Variants in CD37 observed in about 807,000 individuals in gnomAD.
CD37 encodes leukocyte antigen CD37.
In CD37, 37 loss-of-function variants were observed where a neutral mutation model predicts 38.9. The observed-to-expected ratio is 0.95, with a 90% CI of 0.73 to 1.25. The LOEUF is 1.25. CD37 is among the 50% of genes most tolerant of loss of function. The probability of loss-of-function intolerance (pLI) is 0.00; values close to 1 mark genes in which losing one functional copy is unlikely to be tolerated. For missense variants in CD37, 351 were observed against 360.1 expected (o/e 0.97, Z 0.20); for synonymous variants, 146 against 150.1 (o/e 0.97, Z 0.20).
At position 49,337,637 on chromosome 19, in the gene CD37, G is replaced by A. The variant is rs569030696; in HGVS notation, c.343-288G>A. On this transcript the variant is annotated intron_variant, in intron 4 of 7. Coordinates refer to ENST00000323906, the MANE Select transcript of CD37 (RefSeq NM_001774.3). ...AAATAAATTAATAGAAAGACACACCGACCTGGACCAAGGGAGACAGGCATA... is the reference window on the plus strand; with the variant it reads ...AAATAAATTAATAGAAAGACACACCAACCTGGACCAAGGGAGACAGGCATA... The A allele has an allele frequency of 5.1e-5, 77 of 1,502,100 alleles. No homozygotes were observed. The African/African-American group carries it at 9.7e-4, about 19-fold the overall frequency. The allele number at this position is 1,502,100 out of a possible 1,614,324, so 93.0% of individuals were successfully genotyped here. A position where few individuals can be genotyped will look rare whatever the true frequency, so the allele number is the denominator to read the frequency against.
Position 49,338,987 on chromosome 19 carries a change from G to T in CD37, c.684+51G>T. On this transcript the variant is annotated intron_variant, in intron 6 of 7. Coordinates refer to ENST00000323906, the MANE Select transcript of CD37 (RefSeq NM_001774.3). The surrounding 1 kb of genome is among the most constrained non-coding windows in gnomAD (Gnocchi z 5.0). ...CTGTCGAATGGGGCGGGGCCTGCGG[G>T]AGGGGGAGGGCTGTCAGTGAGTAGC... The T allele has an allele frequency of 5.0e-6, 7 of 1,397,692 alleles. No individual in the cohort carries two copies. Among genetic ancestry groups the T allele is most frequent in the Non-Finnish European group, 7.1e-6 (7 of 990,786 alleles). The allele number at this position is 1,397,692 out of a possible 1,614,324, so 86.6% of individuals were successfully genotyped here. A position where few individuals can be genotyped will look rare whatever the true frequency, so the allele number is the denominator to read the frequency against.
In CD37 at chr19:49,338,194, C is replaced by G; in HGVS notation, c.447+165C>G. 1 of 1,436,394 alleles carries G rather than the reference C, an allele frequency of 7.0e-7. No homozygotes were observed. Among genetic ancestry groups the G allele is most frequent in the East Asian group, 2.5e-5 (1 of 39,874 alleles). 89.0% of individuals were successfully genotyped at this position (1,436,394 alleles called of 1,614,324 possible). A position where few individuals can be genotyped will look rare whatever the true frequency, so the allele number is the denominator to read the frequency against. ...CACTCCCCAGATGACACAACTGTCC[C>G]CGGCGTCGCCTGGTCTCCCAGTACC... On this transcript the variant is annotated intron_variant, in intron 5 of 7. Transcript: ENST00000323906. The surrounding 1 kb of genome is among the most constrained non-coding windows in gnomAD (Gnocchi z 5.0).
rs1568553282 is a variant in CD37 at position 49,340,337 on chromosome 19, C to CGTTAGGCCCCGCCG, written c.*9_*10insGTTAGGCCCCGCCG. The CGTTAGGCCCCGCCG allele has an allele frequency of 6.3e-7, 1 of 1,598,832 alleles. No homozygotes were observed. The highest frequency in any genetic ancestry group is 1.3e-5 in the African/African-American group (1 of 74,584). On this transcript the variant is annotated 3_prime_UTR_variant, in exon 8 of 8. Transcript: ENST00000323906. The stretch of plus-strand genomic sequence containing the variant: ...TCGCTCGATACCGTTAGGCCCCGCC[C>CGTTAGGCCCCGCCG]TCCCCAAAGTCCCGCCCCGCCCCCG...
chr19:49,337,032 T>A lies in CD37; in HGVS notation c.266T>A (p.Leu89Gln). ...AAGGAGCTCCGCTGCCTCCTGGGCC[T>A]GGTGAGTGCACCATCCCTCTCCGTC... Reference protein sequence around the residue: ...ALKELRCLLGLYFGMLLLLFA... With the variant: ...ALKELRCLLGQYFGMLLLLFA... The change falls in exon 3 of 8, where the codon CTG becomes CAG. Residue 89 changes from leucine to glutamine, a missense_variant and splice_region_variant. Transcript: ENST00000323906. 6.2e-7 allele frequency: 1 copy of A among 1,613,360 alleles called. No individual in the cohort carries two copies. The highest frequency in any genetic ancestry group is 8.5e-7 in the Non-Finnish European group (1 of 1,179,522).
chr19:49,336,860 C>T, intron 2 of CD37, 49 bp from the exon 3 acceptor site: 1 of 1,602,672 alleles, frequency 6.2e-7, no homozygotes, highest in Non-Finnish European at 8.5e-7. Context: ...AATGGGGCTG[C>T]CTGGAGCTGT....
chr19:49,335,618 C>T lies in CD37; in HGVS notation c.69+9C>T, dbSNP rs1264934208. On this transcript the variant is annotated intron_variant, in intron 1 of 7. Transcript: ENST00000323906. This position sits in a 1 kb window ranked among gnomAD's most constrained non-coding sequence, Gnocchi z 4.6. ...TCAACCTCTTCTTCTTCGTGAGTTG[C>T]CTCATGGCTACCCAGCCGGGGCCCA... 2 of 1,613,054 alleles carry T rather than the reference C, an allele frequency of 1.2e-6. No homozygotes were observed. The highest frequency in any genetic ancestry group is 4.5e-5 in the East Asian group (2 of 44,872).
chr19:49,339,046 A>G lies in CD37; in HGVS notation c.684+110A>G. On this transcript the variant is annotated intron_variant, in intron 6 of 7. Coordinates refer to ENST00000323906, the MANE Select transcript of CD37 (RefSeq NM_001774.3). The surrounding 1 kb of genome is among the most constrained non-coding windows in gnomAD (Gnocchi z 4.5). ...AAAGGGCGGGGTCTACGAGAAAAGGAAAGGTACGGCAGGAGGGGCGGGGCC... is the reference window on the plus strand; with the variant it reads ...AAAGGGCGGGGTCTACGAGAAAAGGGAAGGTACGGCAGGAGGGGCGGGGCC... The G allele has an allele frequency of 1.1e-6, 1 of 940,302 alleles. No individual in the cohort carries two copies. The highest frequency in any genetic ancestry group is 1.6e-6 in the Non-Finnish European group (1 of 607,214). The allele number at this position is 940,302 out of a possible 1,614,324, so 58.2% of individuals were successfully genotyped here. A position where few individuals can be genotyped will look rare whatever the true frequency, so the allele number is the denominator to read the frequency against.
At position 49,339,538 on chromosome 19, in the gene CD37, T is replaced by C. The variant is rs1019631821; in HGVS notation, c.768+125T>C. On this transcript the variant is annotated intron_variant, in intron 7 of 7. Coordinates refer to ENST00000323906, the MANE Select transcript of CD37 (RefSeq NM_001774.3). The surrounding 1 kb of genome is among the most constrained non-coding windows in gnomAD (Gnocchi z 4.5). ...GGCGGAGCGCAGCCCACCCCGGCCC[T>C]CCCGCCGCTCCACCCAGCACCGGAG... 3.5e-4 allele frequency: 504 copies of C among 1,453,398 alleles called. No individual in the cohort carries two copies. The highest frequency in any genetic ancestry group is 1.5e-3 in the East Asian group (63 of 40,924). The allele number at this position is 1,453,398 out of a possible 1,614,324, so 90.0% of individuals were successfully genotyped here.
chr19:49,337,306 A>G (rs1171781034), intron 4 of CD37, 85 bp downstream of exon 4: 39 of 1,296,948 alleles, frequency 3.0e-5, no homozygotes, highest in Non-Finnish European at 4.1e-5. Context: ...AGAGACCGAA[A>G]CAAGGGCAGA....
Position 49,337,127 on chromosome 19 carries a change from C to A in CD37, c.268-20C>A. 6.2e-7 allele frequency: 1 copy of A among 1,614,104 alleles called. No homozygotes were observed. The highest frequency in any genetic ancestry group is 2.2e-5 in the East Asian group (1 of 44,884). ...GGGTTGCAGGGGTGGTCAGCCTGAT[C>A]TCTCCACTCTGCTCCCCAGTATTTT... On this transcript the variant is annotated intron_variant, in intron 3 of 7. Transcript: ENST00000323906.
chr19:49,338,334 C>A lies in CD37; in HGVS notation c.447+305C>A, dbSNP rs1205771114. On this transcript the variant is annotated intron_variant, in intron 5 of 7. Coordinates refer to ENST00000323906, the MANE Select transcript of CD37 (RefSeq NM_001774.3). The surrounding 1 kb of genome is among the most constrained non-coding windows in gnomAD (Gnocchi z 5.0). The stretch of plus-strand genomic sequence containing the variant: ...ACCCTAGCGAGACACGGCTTCCTAC[C>A]CCGTAGTGACTCTGGCTTCCACCGG... 1 of 664,060 alleles carries A rather than the reference C, an allele frequency of 1.5e-6. No individual in the cohort carries two copies. Among genetic ancestry groups the A allele is most frequent in the East Asian group, 2.9e-5 (1 of 34,710 alleles). 41.1% of individuals were successfully genotyped at this position (664,060 alleles called of 1,614,324 possible).
In CD37 at chr19:49,336,993, G is replaced by C; in HGVS notation, c.227G>C (p.Cys76Ser). The C allele has an allele frequency of 6.2e-7, 1 of 1,613,996 alleles. No individual in the cohort carries two copies. The highest frequency in any genetic ancestry group is 8.5e-7 in the Non-Finnish European group (1 of 1,179,902). The change falls in exon 3 of 8, where the codon TGT (cysteine) becomes TCT (serine). Residue 76 changes from cysteine to serine, a missense_variant. By Grantham distance (112) the Cys-to-Ser change is moderately radical. Transcript: ENST00000323906. ...IFTMGIALLG[C>S]VGALKELRCL... The stretch of plus-strand genomic sequence containing the variant: ...ACCATGGGCATCGCCCTCCTGGGTT[G>C]TGTGGGGGCCCTCAAGGAGCTCCGC...
chr19:49,336,545 G>C, intron 2 of CD37: 1 of 200,450 alleles, frequency 5.0e-6, no homozygotes, highest in South Asian at 8.0e-5. Context: ...GGGACAGAGC[G>C]AGGCTCCAAC....
In CD37 at chr19:49,339,479, G is replaced by T; in HGVS notation, c.768+66G>T. On this transcript the variant is annotated intron_variant, in intron 7 of 7. Transcript: ENST00000323906. The surrounding 1 kb of genome is among the most constrained non-coding windows in gnomAD (Gnocchi z 4.5). ...CCTAGATGGCCCTGCCCTTCATTTC[G>T]CGTCCTTCGGTTGCCTGGGAAGGAC... The T allele has an allele frequency of 6.4e-7, 1 of 1,558,370 alleles. No homozygotes were observed.
intron 4 of CD37, 95 bp from the exon 5 acceptor site, chr19:49,337,830 A>G (rs576830938): frequency 1.3e-5 from 21 of 1,586,260 alleles, no homozygotes; most frequent in Non-Finnish European, 1.6e-5. Flanking sequence ...AGACTGGCCC[A>G]GAGATGCACA....
At position 49,339,488 on chromosome 19, in the gene CD37, G is replaced by C. The variant is rs778255352; in HGVS notation, c.768+75G>C. 5.2e-6 allele frequency: 8 copies of C among 1,544,310 alleles called. No homozygotes were observed. The Admixed American group carries it at 1.2e-4, about 23-fold the overall frequency. ...CCCTGCCCTTCATTTCGCGTCCTTC[G>C]GTTGCCTGGGAAGGACGAGCTCAGG... is the stretch of plus-strand genomic sequence containing the variant. On this transcript the variant is annotated intron_variant, in intron 7 of 7. Coordinates refer to ENST00000323906, the MANE Select transcript of CD37 (RefSeq NM_001774.3). This position sits in a 1 kb window ranked among gnomAD's most constrained non-coding sequence, Gnocchi z 4.5.
chr19:49,340,238 C>T lies in CD37; in HGVS notation c.769-13C>T. The T allele has an allele frequency of 1.2e-6, 2 of 1,609,216 alleles. No individual in the cohort carries two copies. Among genetic ancestry groups the T allele is most frequent in the Non-Finnish European group, 1.7e-6 (2 of 1,176,556 alleles). Reference sequence around the variant, plus strand: ...CCCTTCGACTTCTCTGACCTCATCTCCTTTCTCTATAGCTCGGGTTCATGA... The same window carrying T: ...CCCTTCGACTTCTCTGACCTCATCTTCTTTCTCTATAGCTCGGGTTCATGA... On this transcript the variant is annotated splice_polypyrimidine_tract_variant and intron_variant, in intron 7 of 7. Transcript: ENST00000323906.
At position 49,339,850 on chromosome 19, in the gene CD37, C is replaced by A; in HGVS notation, c.769-401C>A. 2 of 1,334,830 alleles carry A rather than the reference C, an allele frequency of 1.5e-6. No homozygotes were observed. The highest frequency in any genetic ancestry group is 1.9e-6 in the Non-Finnish European group (2 of 1,038,226). The allele number at this position is 1,334,830 out of a possible 1,614,324, so 82.7% of individuals were successfully genotyped here. ...CTGCCCCAACTGGGGAGACAAGGCA[C>A]CGCAGGGCAAGCTGCCCATGGCCCT... On this transcript the variant is annotated intron_variant, in intron 7 of 7. Transcript: ENST00000323906. The surrounding 1 kb of genome is among the most constrained non-coding windows in gnomAD (Gnocchi z 4.5).
At position 49,340,409 on chromosome 19, in the gene CD37, T is replaced by G; in HGVS notation, c.*81T>G. The G allele has an allele frequency of 9.8e-7, 1 of 1,019,388 alleles. No individual in the cohort carries two copies. Among genetic ancestry groups the G allele is most frequent in the South Asian group, 1.3e-5 (1 of 77,832 alleles). The allele number at this position is 1,019,388 out of a possible 1,614,324, so 63.1% of individuals were successfully genotyped here. On this transcript the variant is annotated 3_prime_UTR_variant, in exon 8 of 8. Transcript: ENST00000323906. ...CTGCTGCCTGTAAATATTTGTTTAA[T>G]CCCCAGTTCGCCTGGAGCCCTCCGC... is the stretch of plus-strand genomic sequence containing the variant.
Sources: gnomAD v4.1 joint callset for allele counts on GRCh38, gnomAD v4.1.1 for gene constraint, Gnocchi (gnomAD v3.1) non-coding constraint, MANE v1.5 for transcripts, NCBI Gene and HGNC (gene_info 2026-07-23, HGNC 2026-07-21) for gene names.